The following CDH18 variants were observed in gnomAD, a reference collection of about 807,000 sequenced individuals.
CDH18 encodes the protein cadherin-18.
In CDH18, 31 loss-of-function variants were observed where a neutral mutation model predicts 67.9. That is an observed-to-expected ratio of 0.46 (90% CI 0.34 to 0.62). The LOEUF is 0.62. Ranked by LOEUF, CDH18 falls within the 20% of genes least tolerant of loss-of-function variation. CDH18 has a pLI of 0.01. For synonymous variants in CDH18, 362 were observed against 347.2 expected, an observed-to-expected ratio of 1.04 and a Z score of -0.48; for missense variants, 890 against 975.5, an observed-to-expected ratio of 0.91 and a Z score of 1.17.
intron 2 of CDH18, among the ~76,000 whole-genome samples, chr5:20,120,160 G>A (rs144110137): frequency 5.7e-4 from 87 of 152,168 alleles, no homozygotes; most frequent in Admixed American, 3.2e-3. Context: ...AGAGAAATCA[G>A]TGGTGCAGTA....
intron 2 of CDH18, among the ~76,000 whole-genome samples, chr5:19,976,561 A>G (rs1798525767): frequency 6.6e-6 from 1 of 152,130 alleles, no homozygotes; most frequent in African/African-American, 2.4e-5. Context: ...AGATGGCTCT[A>G]TTACTCAGGC....
intron 1 of CDH18, among the ~76,000 whole-genome samples, chr5:20,548,085 G>A (rs1476135213): frequency 6.6e-6 from 1 of 150,930 alleles, no homozygotes. Flanking sequence ...ACTATATAGG[G>A]CCATTAGTTT....
At chr5:20,349,953 G>T (rs948447204) in intron 1 of CDH18, among the ~76,000 whole-genome samples, 9 of 152,090 alleles carry the variant, frequency 5.9e-5, no homozygotes, top group African/African-American at 2.2e-4. Context: ...TGATGTCACA[G>T]TTGGCCAAGG....
At chr5:20,196,669 C>A (rs116320949) in intron 2 of CDH18, among the ~76,000 whole-genome samples, 1 of 152,112 alleles carries the variant, frequency 6.6e-6, no homozygotes, top group Non-Finnish European at 1.5e-5. Context: ...AGAATTTGAA[C>A]GGATGCCAAT....
At chr5:20,098,303 A>C (rs988865252) in intron 2 of CDH18, among the ~76,000 whole-genome samples, 1 of 152,104 alleles carries the variant, frequency 6.6e-6, no homozygotes, top group Non-Finnish European at 1.5e-5. Context: ...TAAAATGTTT[A>C]AATGACAAAT....
rs551986339 is a variant in CDH18 at position 20,423,717 on chromosome 5, G to A, written c.-580+151745C>T. Among the ~76,000 whole-genome samples, 9 of 150,456 alleles carry A rather than the reference G, an allele frequency of 6.0e-5. No individual in the cohort carries two copies. The South Asian group carries it at 1.5e-3, about 24-fold the overall frequency. ...TCCCAGCACTTTTGGAGGCCAAGACGGGCAGATCACGAGGTCAGAAGATCG... is the reference window on the plus strand; with the variant it reads ...TCCCAGCACTTTTGGAGGCCAAGACAGGCAGATCACGAGGTCAGAAGATCG... On this transcript the variant is annotated intron_variant, in intron 1 of 14. Transcript: ENST00000507958.
chr5:19,921,230 C>A (rs767023273), intron 2 of CDH18, among the ~76,000 whole-genome samples: 1 of 151,862 alleles, frequency 6.6e-6, no homozygotes, highest in Non-Finnish European at 1.5e-5. Context: ...TCAAAAAATT[C>A]CGTTAAAAAC....
At chr5:19,926,243 A>G (rs1272942985) in intron 2 of CDH18, among the ~76,000 whole-genome samples, 1 of 152,186 alleles carries the variant, frequency 6.6e-6, no homozygotes, top group Non-Finnish European at 1.5e-5. Context: ...GGCTTAATAA[A>G]TCAGTGATTT....
At chr5:19,934,344 G>C (rs1408281380) in intron 2 of CDH18, among the ~76,000 whole-genome samples, 2 of 151,386 alleles carry the variant, frequency 1.3e-5, no homozygotes, top group Non-Finnish European at 3.0e-5. Context: ...ACTGTCAATT[G>C]CATTTCAGAT....
At chr5:20,227,348 C>A (rs1383205312) in intron 2 of CDH18, among the ~76,000 whole-genome samples, 1 of 152,066 alleles carries the variant, frequency 6.6e-6, no homozygotes. Context: ...ATTGTTCCCA[C>A]AGTTTATTTC....
At chr5:20,056,785 G>C (rs565646388) in intron 2 of CDH18, among the ~76,000 whole-genome samples, 57 of 143,486 alleles carry the variant, frequency 4.0e-4, no homozygotes, top group African/African-American at 1.4e-3. Context: ...CCGGGTTCAC[G>C]CCATTCTCCT....
chr5:19,532,948 G>A (rs1748871240), intron 9 of CDH18, among the ~76,000 whole-genome samples: 1 of 152,144 alleles, frequency 6.6e-6, no homozygotes, highest in East Asian at 1.9e-4. Flanking sequence ...ATTTTACAGA[G>A]ATTTACCTGC....
At chr5:19,773,977 G>T (rs1774003863) in intron 3 of CDH18, among the ~76,000 whole-genome samples, 2 of 152,116 alleles carry the variant, frequency 1.3e-5, no homozygotes, top group Admixed American at 1.3e-4. Context: ...GAAAAACAAA[G>T]AAGCACCTTC....
intron 5 of CDH18, among the ~76,000 whole-genome samples, chr5:19,674,283 T>TA (rs1278578758): frequency 6.6e-6 from 1 of 151,918 alleles, no homozygotes; most frequent in Non-Finnish European, 1.5e-5. Context: ...AAGGATTCAA[T>TA]AAAAAATTTG....
intron 2 of CDH18, among the ~76,000 whole-genome samples, chr5:20,172,221 T>TATATACACAC (rs1554098770): frequency 1.3e-4 from 10 of 78,330 alleles, no homozygotes; most frequent in African/African-American, 5.6e-4. Context: ...TATATATATA[T>TATATACACAC]ATGTATATAT....
chr5:19,886,471 C>G (rs980787843), intron 2 of CDH18, among the ~76,000 whole-genome samples: 14 of 152,150 alleles, frequency 9.2e-5, no homozygotes, highest in African/African-American at 3.4e-4. Context: ...AGAAGCAACC[C>G]TAAATTCTGA....
At chr5:19,523,606 G>T (rs1332147428) in intron 9 of CDH18, among the ~76,000 whole-genome samples, 1 of 151,704 alleles carries the variant, frequency 6.6e-6, no homozygotes, top group African/African-American at 2.4e-5. Context: ...AAAAAAGTAG[G>T]TTAATCAAAA....
intron 7 of CDH18, 67 bp from the exon 8 acceptor site, chr5:19,571,899 T>C: frequency 8.2e-7 from 1 of 1,218,038 alleles, no homozygotes; most frequent in South Asian, 1.4e-5. Context: ...TCATTACTTT[T>C]CAAATATGCA....
rs140586221 is a variant in CDH18, at chr5:19,840,574, C to T, written c.-256-1332G>A. Reference sequence around the variant, plus strand: ...AAAACTAGGTGGGCATGGTGGTGCACGCCTGTAATCCCAGCTACTCGAGAG... The same window carrying T: ...AAAACTAGGTGGGCATGGTGGTGCATGCCTGTAATCCCAGCTACTCGAGAG... On this transcript the variant is annotated intron_variant, in intron 2 of 12. Coordinates refer to ENST00000382275, the MANE Select transcript of CDH18 (RefSeq NM_004934.5). Among the ~76,000 whole-genome samples, 524 of 151,970 alleles carry T rather than the reference C, an allele frequency of 3.4e-3. 7 individuals carry two copies. Among genetic ancestry groups the T allele is most frequent in the African/African-American group, 0.012 (502 of 41,458 alleles).
Sources: allele counts gnomAD v4.1 joint callset (sites outside exome capture counted in the v4.1 genomes callset), GRCh38; gene constraint gnomAD v4.1.1; transcripts MANE v1.5; gene names NCBI Gene and HGNC (gene_info 2026-07-23, HGNC 2026-07-21).